Variants in FAM200B observed in about 807,000 individuals in gnomAD.
FAM200B encodes the protein protein FAM200B.
FAM200B carries 32 observed loss-of-function variants against 33.1 expected under a neutral mutation model. The observed-to-expected ratio is 0.97, with a 90% CI of 0.73 to 1.30. The LOEUF (loss-of-function observed/expected upper bound fraction) is 1.30, where lower values mean the gene tolerates loss of function less well. FAM200B is among the 50% of genes most tolerant of loss of function. FAM200B has a pLI of 0.00. For missense variants in FAM200B, 741 were observed against 754.0 expected, an observed-to-expected ratio of 0.98 and a Z score of 0.20; for synonymous variants, 240 against 264.8, an observed-to-expected ratio of 0.91 and a Z score of 0.91.
chr4:15,637,478 C>T, the FAM200B span, among the ~76,000 whole-genome samples: 1 of 152,106 alleles, frequency 6.6e-6, no homozygotes, highest in East Asian at 1.9e-4. Context: ...TTTCACAAAG[C>T]AACTTAAATA....
At chr4:15,646,545 T>A in the FAM200B span, among the ~76,000 whole-genome samples, 1 of 151,692 alleles carries the variant, frequency 6.6e-6, no homozygotes, top group Non-Finnish European at 1.5e-5. Context: ...CTAAATATTT[T>A]TTATTATTAT....
At chr4:15,683,025 C>T (rs949578035) in intron 1 of FAM200B, among the ~76,000 whole-genome samples, 1 of 152,120 alleles carries the variant, frequency 6.6e-6, no homozygotes, top group African/African-American at 2.4e-5. Flanking sequence ...CTGATTAGAG[C>T]TGTATTTTCA....
At chr4:15,666,592 G>C in the FAM200B span, among the ~76,000 whole-genome samples, 1 of 152,236 alleles carries the variant, frequency 6.6e-6, no homozygotes, top group South Asian at 2.1e-4. Context: ...ACAGCAGGGT[G>C]ATTACAGTCA....
At chr4:15,654,806 G>A in the FAM200B span, among the ~76,000 whole-genome samples, 1 of 152,148 alleles carries the variant, frequency 6.6e-6, no homozygotes, top group African/African-American at 2.4e-5. Context: ...GTGCAGATGG[G>A]AGTCCACCGC....
the FAM200B span, chr4:15,638,771 T>C: frequency 5.5e-6 from 5 of 903,878 alleles, no homozygotes; most frequent in Non-Finnish European, 6.6e-6. Flanking sequence ...AAATTATTAA[T>C]GGCTCGAATG....
the FAM200B span, among the ~76,000 whole-genome samples, chr4:15,660,201 C>T: frequency 6.6e-6 from 1 of 151,986 alleles, no homozygotes; most frequent in Non-Finnish European, 1.5e-5. Flanking sequence ...TTCTCAGCTG[C>T]AGAATAGCTA....
At chr4:15,686,171 T>C (rs1029229087) in intron 1 of FAM200B, 65 bp from the exon 2 acceptor site, 2 of 152,194 alleles carry the variant, frequency 1.3e-5, no homozygotes, top group East Asian at 3.8e-4. Context: ...AAGGCCCCCA[T>C]AGCTGGCAGT....
In FAM200B at chr4:15,687,282, A is replaced by C; in HGVS notation, c.305A>C (p.Lys102Thr). The C allele has an allele frequency of 6.5e-7, 1 of 1,547,688 alleles. No individual in the cohort carries two copies. The highest frequency in any genetic ancestry group is 1.2e-5 in the South Asian group (1 of 82,930). The part of the protein sequence containing the change: ...ILANESLKPS[K>T]LKRHLETQHA... The stretch of plus-strand genomic sequence containing the variant: ...GCGAATGAAAGCTTAAAACCTTCGA[A>C]ATTAAAAAGGCACTTAGAAACTCAG... Residue 102 changes from lysine (K) to threonine (T), a missense_variant, in exon 2 of 2, where the codon AAA becomes ACA. Physicochemically the swap from Lys to Thr is moderately conservative, Grantham distance 78 (BLOSUM62 -1). Coordinates refer to ENST00000422728, the MANE Select transcript of FAM200B (RefSeq NM_001145191.2).
the FAM200B span, among the ~76,000 whole-genome samples, chr4:15,671,376 CT>C: frequency 6.6e-6 from 1 of 152,010 alleles, no homozygotes; most frequent in Non-Finnish European, 1.5e-5. Flanking sequence ...CTTTTTGCCC[CT>C]AGTCCATTTA....
chr4:15,638,445 A>G, the FAM200B span: 8 of 1,249,712 alleles, frequency 6.4e-6, no homozygotes, highest in Admixed American at 2.8e-5. Flanking sequence ...TCTACAGTTC[A>G]TATCAGTAAG....
chr4:15,655,039 G>GGGCA, the FAM200B span, among the ~76,000 whole-genome samples: 1 of 150,894 alleles, frequency 6.6e-6, no homozygotes, highest in Non-Finnish European at 1.5e-5. Context: ...CGCAGCGGGC[G>GGGCA]GGCAGGCTGC....
chr4:15,681,715 A>C (rs544003995), upstream of FAM200B: 3 of 152,862 alleles, frequency 2.0e-5, no homozygotes, highest in East Asian at 3.9e-4. Flanking sequence ...ACCCCCGGAC[A>C]CCGCCCCGGT....
the FAM200B span, among the ~76,000 whole-genome samples, chr4:15,640,393 G>GAAAAAAAAAAA: frequency 1.1e-5 from 1 of 91,634 alleles, no homozygotes. Context: ...CTACACTACT[G>GAAAAAAAAAAA]AAAAAAAAAA....
chr4:15,644,442 C>A, the FAM200B span: 1 of 1,466,822 alleles, frequency 6.8e-7, no homozygotes, highest in Non-Finnish European at 9.4e-7. Flanking sequence ...CAATGATATA[C>A]CAGAAGATGG....
Position 15,688,593 on chromosome 4 carries a change from A to G in FAM200B, c.1616A>G (p.Asp539Gly). ...TTAAGGGAAAACAGTTGGGTAAAAG[A>G]TCCATTTGCTTTTCGACACCCTGAA... ...ETLRENSWVK[D>G]PFAFRHPESI... The change falls in exon 2 of 2, where the codon GAT (aspartate) becomes GGT (glycine). Residue 539 changes from aspartate (D) to glycine (G), a missense_variant. Coordinates refer to ENST00000422728, the MANE Select transcript of FAM200B (RefSeq NM_001145191.2). 6.4e-7 allele frequency: 1 copy of G among 1,551,186 alleles called. No individual in the cohort carries two copies. Among genetic ancestry groups the G allele is most frequent in the Admixed American group, 2.0e-5 (1 of 50,996 alleles).
At chr4:15,675,572 A>ATTTTTT in the FAM200B span, among the ~76,000 whole-genome samples, 1 of 96,704 alleles carries the variant, frequency 1.0e-5, no homozygotes, top group Non-Finnish European at 2.0e-5. Context: ...CAAAACTCCT[A>ATTTTTT]TTTTTTTTTT....
chr4:15,669,314 CTGTATCTAAA>C, the FAM200B span, among the ~76,000 whole-genome samples: 1 of 152,078 alleles, frequency 6.6e-6, no homozygotes, highest in Non-Finnish European at 1.5e-5. Context: ...TTAAGTATTT[CTGTATCTAAA>C]TGTATCCAAA....
the FAM200B span, chr4:15,656,186 G>T: frequency 4.1e-4 from 189 of 456,068 alleles, no homozygotes; most frequent in Non-Finnish European, 6.5e-4. Context: ...TACAAATCCC[G>T]CCATTTTAAG....
the FAM200B span, among the ~76,000 whole-genome samples, chr4:15,665,131 C>T: frequency 1.3e-5 from 2 of 152,128 alleles, no homozygotes; most frequent in East Asian, 1.9e-4. Context: ...CATTCTTCCT[C>T]GAAACCTCTA....
Sources: gnomAD v4.1 joint callset for allele counts (sites outside exome capture counted in the v4.1 genomes callset) on GRCh38, gnomAD v4.1.1 for gene constraint, MANE v1.5 for transcripts, NCBI Gene and HGNC (gene_info 2026-07-23, HGNC 2026-07-21) for gene names.